The following PSD4 variants were observed in gnomAD, a reference collection of about 807,000 sequenced individuals.
The protein encoded by PSD4 is pleckstrin and Sec7 domain containing 4.
PSD4 carries 59 observed loss-of-function variants against 112.5 expected under a neutral mutation model. The observed-to-expected ratio is 0.52, with a 90% CI of 0.43 to 0.65. PSD4 has a LOEUF of 0.65. PSD4 is among the 30% of genes least tolerant of loss of function. PSD4 has a pLI of 0.00. For synonymous variants in PSD4, 533 were observed against 540.0 expected, an observed-to-expected ratio of 0.99 and a Z score of 0.18; for missense variants, 1,267 against 1,352.6, an observed-to-expected ratio of 0.94 and a Z score of 0.99.
At chr2:113,175,558 G>C (rs752314496) in intron 1 of PSD4, among the ~76,000 whole-genome samples, 1 of 152,144 alleles carries the variant, frequency 6.6e-6, no homozygotes, top group African/African-American at 2.4e-5. Flanking sequence ...GCAGCTTCTC[G>C]GGCTGCAGAG....
intron 15 of PSD4, 23 bp from the exon 16 acceptor site, chr2:113,199,060 C>T: frequency 1.3e-6 from 2 of 1,519,740 alleles, no homozygotes; most frequent in Non-Finnish European, 1.8e-6. Context: ...GGGACAGCGC[C>T]CCTCACCGCC....
chr2:113,179,063 C>T (rs911740611), intron 1 of PSD4, among the ~76,000 whole-genome samples: 42 of 152,248 alleles, frequency 2.8e-4, no homozygotes, highest in African/African-American at 7.7e-4. Context: ...CTTGAGGAGG[C>T]GCAGTGGGAT....
rs1688823176 is a variant in PSD4 at position 113,203,581 on chromosome 2, GGA to G, written c.*2169_*2170del. On this transcript the variant is annotated 3_prime_UTR_variant, in exon 17 of 17. Transcript: ENST00000245796. ...TTTTTTTTTTTTTTTTTTTTTTTTT[GGA>G]GACGGAGTTTCGCTCTTGTAACCCA... The G allele has an allele frequency of 3.2e-5, 1 of 31,430 alleles. No individual in the cohort carries two copies. Among genetic ancestry groups the G allele is most frequent in the African/African-American group, 9.7e-5 (1 of 10,330 alleles). The allele number at this position is 31,430 out of a possible 1,614,324, so 1.9% of individuals were successfully genotyped here.
chr2:113,185,153 G>A, intron 3 of PSD4, 80 bp downstream of exon 3: 1 of 1,601,266 alleles, frequency 6.2e-7, no homozygotes, highest in South Asian at 1.1e-5. Flanking sequence ...CCAGGGCCTA[G>A]CACCAACAAT....
intron 14 of PSD4, 178 bp downstream of exon 14, chr2:113,198,091 C>A: frequency 1.2e-6 from 1 of 805,832 alleles, no homozygotes. Context: ...AGGGATGAAG[C>A]CCAGGCATCG....
chr2:113,198,739 G>A lies in PSD4; in HGVS notation c.2625-1G>A. ...GGGACCAACGACCTCCTTTGCCCCA[G>A]CACTGCCAAGGAGATGAGCTCCTGG... On this transcript the variant is annotated splice_acceptor_variant, in intron 14 of 16. Transcript: ENST00000245796. LOFTEE classifies it high-confidence loss of function. 6.5e-7 allele frequency: 1 copy of A among 1,548,728 alleles called. No homozygotes were observed. Among genetic ancestry groups the A allele is most frequent in the Non-Finnish European group, 8.7e-7 (1 of 1,147,744 alleles).
At chr2:113,186,851 C>G (rs45478792) in intron 5 of PSD4, among the ~76,000 whole-genome samples, 16 of 152,344 alleles carry the variant, frequency 1.1e-4, no homozygotes, top group Non-Finnish European at 1.5e-4. Context: ...ACCTAGATGT[C>G]CACTTGTCCC....
intron 11 of PSD4, 69 bp from the exon 12 acceptor site, chr2:113,196,078 G>T (rs1008075013): frequency 3.9e-6 from 6 of 1,546,052 alleles, no homozygotes; most frequent in Non-Finnish European, 5.3e-6. Context: ...TAAGGCTCTG[G>T]GAGGCAATGG....
At position 113,204,234 on chromosome 2, in the gene PSD4, A is replaced by C. The variant is rs1688833644; in HGVS notation, c.*2819A>C. 1 of 152,312 alleles carries C rather than the reference A, an allele frequency of 6.6e-6. No individual in the cohort carries two copies. The highest frequency in any genetic ancestry group is 1.5e-5 in the Non-Finnish European group (1 of 68,090). The allele number at this position is 152,312 out of a possible 1,614,324, so 9.4% of individuals were successfully genotyped here. A position where few individuals can be genotyped will look rare whatever the true frequency, so the allele number is the denominator to read the frequency against. On this transcript the variant is annotated 3_prime_UTR_variant, in exon 17 of 17. Transcript: ENST00000245796. ...CAGGACCTTCAACTTCGTAAAACCC[A>C]CAGTGGCCTGGGCCAGGACTCCCAC...
rs148062987 is a variant in PSD4, at chr2:113,183,408, C to T, written c.952C>T (p.Pro318Ser). 6.4e-7 allele frequency: 1 copy of T among 1,572,634 alleles called. No individual in the cohort carries two copies. Among genetic ancestry groups the T allele is most frequent in the Non-Finnish European group, 8.6e-7 (1 of 1,160,414 alleles). The change falls in exon 2 of 17, where the codon CCT becomes TCT. Residue 318 changes from proline to serine, a missense_variant. Coordinates refer to ENST00000245796, the MANE Select transcript of PSD4 (RefSeq NM_012455.3). ...DGAAISGHCTPPFPVPIYKPH... is the reference protein window; with the variant it reads ...DGAAISGHCTSPFPVPIYKPH... ...CGCTGCTATCAGTGGGCATTGTACC[C>T]CTCCATTCCCTGTGCCCATCTATAA...
Position 113,182,369 on chromosome 2 carries a change from T to G in PSD4, c.-88T>G. ...AGGGTAGATATGGATTCCCAGTTTCTCCAGCGGCCAGTGCTCCCCCTAGTC... is the reference window on the plus strand; with the variant it reads ...AGGGTAGATATGGATTCCCAGTTTCGCCAGCGGCCAGTGCTCCCCCTAGTC... On this transcript the variant is annotated 5_prime_UTR_variant, in exon 2 of 17. Transcript: ENST00000245796. 7.8e-7 allele frequency: 1 copy of G among 1,287,440 alleles called. No individual in the cohort carries two copies. The highest frequency in any genetic ancestry group is 2.3e-5 in the Admixed American group (1 of 42,852). 79.8% of individuals were successfully genotyped at this position (1,287,440 alleles called of 1,614,324 possible).
chr2:113,185,592 T>A, intron 4 of PSD4, 152 bp downstream of exon 4: 1 of 1,555,488 alleles, frequency 6.4e-7, no homozygotes, highest in Non-Finnish European at 8.7e-7. Flanking sequence ...AAATCCTGCC[T>A]CTTTAAAATT....
intron 5 of PSD4, among the ~76,000 whole-genome samples, chr2:113,189,803 G>A (rs1688400869): frequency 6.6e-6 from 1 of 152,120 alleles, no homozygotes; most frequent in South Asian, 2.1e-4. Flanking sequence ...TTGGCCATTT[G>A]TATATCTTCT....
rs76456848 is a variant in PSD4 at position 113,174,940 on chromosome 2, C to G, written c.-112+886C>G. Among the ~76,000 whole-genome samples the G allele has an allele frequency of 3.0e-3, 463 of 152,290 alleles. 1 individual carries two copies. The highest frequency in any genetic ancestry group is 0.011 in the African/African-American group (446 of 41,552). The stretch of plus-strand genomic sequence containing the variant: ...GATAAATACTCCTCCGTTCATTGGA[C>G]CTTGGACCAGCTTTAAAAAGTGGTC... On this transcript the variant is annotated intron_variant, in intron 1 of 16. Transcript: ENST00000245796.
intron 14 of PSD4, 159 bp from the exon 15 acceptor site, chr2:113,198,581 G>C (rs772512611): frequency 3.5e-5 from 29 of 823,092 alleles, no homozygotes; most frequent in Non-Finnish European, 4.5e-5. Context: ...GAAATGCCAC[G>C]GTCAGAGGTC....
At position 113,183,239 on chromosome 2, in the gene PSD4, T is replaced by C; in HGVS notation, c.783T>C (p.Ala261=). 6.2e-7 allele frequency: 1 copy of C among 1,614,220 alleles called. No individual in the cohort carries two copies. The highest frequency in any genetic ancestry group is 1.3e-5 in the African/African-American group (1 of 75,060). ...FLASPCSENS[A]SGECFSWGAS... Reference sequence around the variant, plus strand: ...CGAGTCCTTGCTCAGAGAACAGTGCTTCTGGAGAGTGCTTTTCCTGGGGGG... The same window carrying C: ...CGAGTCCTTGCTCAGAGAACAGTGCCTCTGGAGAGTGCTTTTCCTGGGGGG... The change falls in exon 2 of 17, where the codon GCT becomes GCC. Residue 261 remains alanine, a synonymous_variant. Coordinates refer to ENST00000245796, the MANE Select transcript of PSD4 (RefSeq NM_012455.3).
In PSD4 at chr2:113,201,320, G is replaced by A. The variant is rs138950846; in HGVS notation, c.3076G>A (p.Asp1026Asn). 9.2e-5 allele frequency: 149 copies of A among 1,614,076 alleles called. No homozygotes were observed. Among genetic ancestry groups the A allele is most frequent in the Non-Finnish European group, 2.3e-5 (27 of 1,180,036 alleles). Reference protein sequence around the residue: ...KSHSSPSLHQDEAPTTAKVKR... With the variant: ...KSHSSPSLHQNEAPTTAKVKR... ...CCACTCGAGCCCGTCCCTGCACCAG[G>A]ATGAGGCTCCCACCACGGCCAAGGT... Residue 1026 changes from aspartate (D) to asparagine (N), a missense_variant, in exon 17 of 17, where the codon GAT (aspartate) becomes AAT (asparagine). Transcript: ENST00000245796.
chr2:113,201,055 A>G, intron 16 of PSD4, 103 bp from the exon 17 acceptor site: 2 of 1,470,330 alleles, frequency 1.4e-6, no homozygotes, highest in East Asian at 2.3e-5. Context: ...CGAGGTCTGT[A>G]TCGCCATAGC....
At chr2:113,180,139 A>G (rs949396130) in intron 1 of PSD4, among the ~76,000 whole-genome samples, 3 of 152,306 alleles carry the variant, frequency 2.0e-5, no homozygotes, top group Admixed American at 6.5e-5. Context: ...ACCTTGAATA[A>G]CAGCTGGACC....
Sources: gnomAD v4.1 joint callset for allele counts (sites outside exome capture counted in the v4.1 genomes callset) on GRCh38, gnomAD v4.1.1 for gene constraint, MANE v1.5 for transcripts, NCBI Gene and HGNC (gene_info 2026-07-23, HGNC 2026-07-21) for gene names.